CPEB3: variants seen among roughly 807,000 people sequenced by gnomAD.
CPEB3 encodes cytoplasmic polyadenylation element binding protein 3.
A neutral mutation model predicts 67.2 loss-of-function variants in CPEB3; 20 were observed. That is an observed-to-expected ratio of 0.30 (90% CI 0.21 to 0.43). CPEB3 has a LOEUF of 0.43. CPEB3 is among the 20% of genes least tolerant of loss of function. CPEB3 has a pLI of 1.00. For missense variants in CPEB3, 746 were observed against 968.6 expected (o/e 0.77, Z 3.05); for synonymous variants, 376 against 393.1 (o/e 0.96, Z 0.51).
intron 6 of CPEB3, among the ~76,000 whole-genome samples, chr10:92,130,669 T>G (rs1845805362): frequency 6.6e-6 from 1 of 151,966 alleles, no homozygotes; most frequent in Non-Finnish European, 1.5e-5. Flanking sequence ...TTTTTTTTTT[T>G]TTGCCACCAA....
intron 7 of CPEB3, among the ~76,000 whole-genome samples, chr10:92,102,572 T>C (rs1010386563): frequency 1.3e-5 from 2 of 152,246 alleles, no homozygotes; most frequent in African/African-American, 4.8e-5. Flanking sequence ...CTTCAGTTAC[T>C]GATGAACAAT....
At chr10:92,111,754 C>T (rs1201047725) in intron 6 of CPEB3, among the ~76,000 whole-genome samples, 4 of 152,184 alleles carry the variant, frequency 2.6e-5, no homozygotes, top group African/African-American at 9.7e-5. Context: ...TTGCACAACT[C>T]TGTAAACATG....
chr10:92,281,952 T>C (rs1229385243), intron 1 of CPEB3, among the ~76,000 whole-genome samples: 1 of 152,226 alleles, frequency 6.6e-6, no homozygotes, highest in Admixed American at 6.5e-5. Flanking sequence ...TGACTTCACA[T>C]GTTCCGTGGA....
chr10:92,105,819 A>C (rs965590791), intron 7 of CPEB3, among the ~76,000 whole-genome samples: 1 of 149,488 alleles, frequency 6.7e-6, no homozygotes, highest in South Asian at 2.1e-4. Context: ...TCCCGGGTTC[A>C]AGCAATTCTG....
intron 1 of CPEB3, among the ~76,000 whole-genome samples, chr10:92,278,881 G>A (rs1385095401): frequency 6.6e-6 from 1 of 151,352 alleles, no homozygotes; most frequent in Non-Finnish European, 1.5e-5. Context: ...TTACAGGCAT[G>A]AGCCACCACG....
intron 2 of CPEB3, among the ~76,000 whole-genome samples, chr10:92,216,049 ATT>A (rs71025388): frequency 7.2e-6 from 1 of 138,328 alleles, no homozygotes. Context: ...CGCCCAGCTC[ATT>A]TTTTTTTTTT....
chr10:92,195,592 T>C (rs1849203734), intron 2 of CPEB3, among the ~76,000 whole-genome samples: 1 of 152,186 alleles, frequency 6.6e-6, no homozygotes, highest in Non-Finnish European at 1.5e-5. Context: ...AAATGAATTA[T>C]CTAGGAGCCC....
At chr10:92,143,642 T>C (rs796474722) in intron 5 of CPEB3, among the ~76,000 whole-genome samples, 17 of 152,336 alleles carry the variant, frequency 1.1e-4, no homozygotes, top group African/African-American at 3.8e-4. Context: ...ACATATTACG[T>C]ACCCTATATA....
At chr10:92,206,562 A>G (rs1006354223) in intron 2 of CPEB3, among the ~76,000 whole-genome samples, 4 of 152,156 alleles carry the variant, frequency 2.6e-5, no homozygotes, top group Admixed American at 1.3e-4. Context: ...CTTAAGGCAC[A>G]TGCCAACACA....
At chr10:92,284,167 T>C (rs1042638906) in intron 1 of CPEB3, among the ~76,000 whole-genome samples, 1 of 151,836 alleles carries the variant, frequency 6.6e-6, no homozygotes, top group African/African-American at 2.4e-5. Context: ...GCCTCTTGAC[T>C]AGCTGGGACT....
chr10:92,133,934 A>G (rs768024015), intron 6 of CPEB3, among the ~76,000 whole-genome samples: 4 of 152,250 alleles, frequency 2.6e-5, no homozygotes, highest in Non-Finnish European at 5.9e-5. Context: ...TTATCTCAAT[A>G]GATGCAGGAA....
chr10:92,157,295 A>G (rs768292232), intron 4 of CPEB3, among the ~76,000 whole-genome samples: 19 of 152,244 alleles, frequency 1.2e-4, no homozygotes, highest in Admixed American at 6.5e-4. Flanking sequence ...AATCTAAATG[A>G]TAAGTCAGTG....
At chr10:92,159,720 C>A (rs1847375994) in intron 4 of CPEB3, among the ~76,000 whole-genome samples, 1 of 152,122 alleles carries the variant, frequency 6.6e-6, no homozygotes, top group East Asian at 1.9e-4. Flanking sequence ...ACTATTTATT[C>A]CATAGGAAAA....
At chr10:92,092,191 C>T (rs1002893684) in intron 7 of CPEB3, among the ~76,000 whole-genome samples, 3 of 152,170 alleles carry the variant, frequency 2.0e-5, no homozygotes, top group Middle Eastern at 3.2e-3. Context: ...TCAGAAACCA[C>T]CTCTGCCTGT....
At chr10:92,240,410 T>C (rs1851791561) in intron 1 of CPEB3, 49 bp from the exon 2 acceptor site, 4 of 1,398,794 alleles carry the variant, frequency 2.9e-6, no homozygotes, top group East Asian at 2.7e-5. Flanking sequence ...TGATCATGAA[T>C]GTCCCTCGCT....
At chr10:92,219,796 A>C (rs918466173) in intron 2 of CPEB3, among the ~76,000 whole-genome samples, 1 of 152,152 alleles carries the variant, frequency 6.6e-6, no homozygotes, top group East Asian at 1.9e-4. Flanking sequence ...TAACTAAATA[A>C]TTTTATTACC....
intron 1 of CPEB3, 109 bp from the exon 2 acceptor site, chr10:92,240,470 C>A: frequency 9.5e-7 from 1 of 1,052,232 alleles, no homozygotes; most frequent in South Asian, 2.1e-5. Context: ...CCGCTACTAG[C>A]CAATTGCAAT....
At chr10:92,281,744 T>C (rs1842306536) in intron 1 of CPEB3, among the ~76,000 whole-genome samples, 1 of 152,220 alleles carries the variant, frequency 6.6e-6, no homozygotes. Flanking sequence ...ATCATGGACA[T>C]TAAGTGAAAC....
At chr10:92,074,791 G>T (rs1842877005) in intron 9 of CPEB3, among the ~76,000 whole-genome samples, 1 of 152,212 alleles carries the variant, frequency 6.6e-6, no homozygotes, top group Admixed American at 6.5e-5. Context: ...ATTAAATTAT[G>T]AGTATAAAAA....
Sources: allele counts gnomAD v4.1 joint callset (sites outside exome capture counted in the v4.1 genomes callset), GRCh38; gene constraint gnomAD v4.1.1; transcripts MANE v1.5; gene names NCBI Gene and HGNC (gene_info 2026-07-23, HGNC 2026-07-21).